Variants in ABCA10 observed in about 807,000 individuals in gnomAD.
The protein encoded by ABCA10 is ATP-binding cassette sub-family A member 10.
A neutral mutation model predicts 187.5 loss-of-function variants in ABCA10; 169 were observed. The ratio of observed to expected loss-of-function variants is 0.90; its 90% CI spans 0.80 to 1.02. ABCA10 has a LOEUF of 1.02. Among genes scored for constraint, ABCA10 ranks in the 50% least tolerant of loss-of-function variants. The pLI, the probability that ABCA10 is intolerant of heterozygous loss-of-function variation, is 0.00. For missense variants in ABCA10, 1,727 were observed against 1,812.4 expected (o/e 0.95, Z 0.86); for synonymous variants, 574 against 601.8 (o/e 0.95, Z 0.68).
chr17:69,182,650 A>G (rs1195551646), intron 21 of ABCA10, 25 bp downstream of exon 21: 1 of 1,547,172 alleles, frequency 6.5e-7, no homozygotes, highest in Admixed American at 2.1e-5. Context: ...AACCAAAAAA[A>G]AACAGTGCAT....
At chr17:69,208,626 G>A (rs2074611162) in intron 9 of ABCA10, among the ~76,000 whole-genome samples, 1 of 151,982 alleles carries the variant, frequency 6.6e-6, no homozygotes, top group Non-Finnish European at 1.5e-5. Context: ...AAATTAATTT[G>A]ATTTATATTA....
At chr17:69,236,191 C>T (rs577900104) in intron 1 of ABCA10, among the ~76,000 whole-genome samples, 6 of 152,290 alleles carry the variant, frequency 3.9e-5, no homozygotes, top group South Asian at 2.1e-4. Context: ...ACTTGTGGAT[C>T]GGCCACACTG....
intron 11 of ABCA10, among the ~76,000 whole-genome samples, chr17:69,194,964 G>T (rs1435473213): frequency 6.6e-6 from 1 of 152,118 alleles, no homozygotes; most frequent in Non-Finnish European, 1.5e-5. Context: ...GAAAACATTG[G>T]TAAAGTATCT....
chr17:69,241,770 A>G (rs902148450), intron 1 of ABCA10, among the ~76,000 whole-genome samples: 11 of 152,218 alleles, frequency 7.2e-5, no homozygotes, highest in Non-Finnish European at 1.5e-4. Context: ...TCTTACTATA[A>G]TAAAAGCTCA....
intron 37 of ABCA10, among the ~76,000 whole-genome samples, chr17:69,149,591 T>C (rs940507313): frequency 2.6e-5 from 4 of 152,268 alleles, no homozygotes; most frequent in African/African-American, 7.2e-5. Context: ...CTCTGTACAT[T>C]TGCTCCTGGT....
chr17:69,167,905 T>A (rs11655912), intron 25 of ABCA10, among the ~76,000 whole-genome samples: 84,943 of 151,734 alleles, frequency 0.56, 25,265 homozygotes, highest in Non-Finnish European at 0.67. Context: ...AGTTACACCA[T>A]GTGTGTCTGT....
chr17:69,182,832 C>G, intron 20 of ABCA10, 24 bp from the exon 21 acceptor site: 2 of 1,300,014 alleles, frequency 1.5e-6, no homozygotes, highest in South Asian at 1.9e-5. Flanking sequence ...AGGAAGGCAA[C>G]AAGAAAAAAA....
intron 20 of ABCA10, among the ~76,000 whole-genome samples, chr17:69,184,170 G>A (rs2074403074): frequency 6.6e-6 from 1 of 152,044 alleles, no homozygotes; most frequent in South Asian, 2.1e-4. Context: ...CATCGGCCAT[G>A]CCCCACAGGA....
chr17:69,206,693 T>G (rs1351187121), intron 9 of ABCA10, among the ~76,000 whole-genome samples: 1 of 152,212 alleles, frequency 6.6e-6, no homozygotes, highest in Non-Finnish European at 1.5e-5. Context: ...AACTTATGAT[T>G]TTTCAACTTT....
At chr17:69,156,155 G>C (rs997566134) in intron 28 of ABCA10, among the ~76,000 whole-genome samples, 1 of 152,048 alleles carries the variant, frequency 6.6e-6, no homozygotes, top group Admixed American at 6.6e-5. Flanking sequence ...TCTGTCAACT[G>C]GCTCTGTCAC....
At chr17:69,156,020 A>C in intron 28 of ABCA10, 95 bp from the exon 29 acceptor site, 1 of 1,351,510 alleles carries the variant, frequency 7.4e-7, no homozygotes, top group Non-Finnish European at 9.8e-7. Context: ...ATCCTTTTTA[A>C]AAAAGACTAT....
chr17:69,192,779 C>T (rs147206122), intron 15 of ABCA10, 126 bp from the exon 16 acceptor site: 1 of 823,534 alleles, frequency 1.2e-6, no homozygotes, highest in East Asian at 2.6e-5. Context: ...TATCATTAAG[C>T]CCCTGGGTGC....
intron 1 of ABCA10, 68 bp downstream of exon 1, chr17:69,228,513 T>G (rs932327816): frequency 2.2e-4 from 33 of 152,048 alleles, no homozygotes; most frequent in African/African-American, 8.0e-4. Flanking sequence ...TATGTTTGGC[T>G]TTGGCTATAT....
chr17:69,221,856 A>T lies in ABCA10; in HGVS notation c.239T>A (p.Leu80Ter), dbSNP rs780383781. 3 of 1,613,044 alleles carry T rather than the reference A, an allele frequency of 1.9e-6. No homozygotes were observed. Among genetic ancestry groups the T allele is most frequent in the Non-Finnish European group, 2.5e-6 (3 of 1,179,586 alleles). ...AAACCCTTTTAGCCAGTACTTTGCC[A>T]AGTAACAAAAAATTTCACCATGCAT... ...WAMHGEIFCYLAKYWLKGFVA... is the reference protein window; with the variant it reads ...WAMHGEIFCY Residue 80 changes from leucine to a stop codon, truncating the protein, a stop_gained, in exon 5 of 39, where the codon TTG (leucine) becomes TAG (stop). Coordinates refer to ENST00000690296, the MANE Select transcript of ABCA10 (RefSeq NM_001377321.1). LOFTEE classifies it high-confidence loss of function.
At chr17:69,152,802 G>GTAAATAAA (rs35681422) in intron 34 of ABCA10, among the ~76,000 whole-genome samples, 19 of 149,754 alleles carry the variant, frequency 1.3e-4, no homozygotes, top group East Asian at 2.0e-4. Flanking sequence ...ATACAATTAA[G>GTAAATAAA]TAAATAAATA....
In ABCA10 at chr17:69,190,317, CT is replaced by C. The variant is rs781180927; in HGVS notation, c.2131+40del. 11 of 1,509,190 alleles carry C rather than the reference CT, an allele frequency of 7.3e-6. No homozygotes were observed. In the East Asian group the frequency reaches 7.3e-5, roughly 10 times the overall value. The allele number at this position is 1,509,190 out of a possible 1,614,324, so 93.5% of individuals were successfully genotyped here. A position where few individuals can be genotyped will look rare whatever the true frequency, so the allele number is the denominator to read the frequency against. On this transcript the variant is annotated intron_variant, in intron 18 of 38. Coordinates refer to ENST00000690296, the MANE Select transcript of ABCA10 (RefSeq NM_001377321.1). ...TTAGAACATCATCTTTTTCTCTTCT[CT>C]TTTTTTTCTTAATTTTCTGCTAGAC...
intron 1 of ABCA10, among the ~76,000 whole-genome samples, chr17:69,240,547 T>TA (rs1310841258): frequency 1.3e-5 from 2 of 152,210 alleles, no homozygotes; most frequent in East Asian, 3.9e-4. Flanking sequence ...GTTTCCAAAC[T>TA]AAAGCACTCT....
chr17:69,193,230 G>C lies in ABCA10; in HGVS notation c.1660C>G (p.Pro554Ala), dbSNP rs966092215. The C allele has an allele frequency of 6.2e-7, 1 of 1,613,602 alleles. No homozygotes were observed. Among genetic ancestry groups the C allele is most frequent in the African/African-American group, 1.3e-5 (1 of 75,002 alleles). ...GAAAAGGGATCCAATCCAGCAGTTG[G>C]TTCATCTAGCAGCAAAACCTACAGA... is the stretch of plus-strand genomic sequence containing the variant. ...GDPQVLLLDE[P>A]TAGLDPFSRH... is the part of the protein sequence containing the mutation. The change falls in exon 15 of 39, where the codon CCA becomes GCA. Residue 554 changes from proline to alanine, a missense_variant. Pro to Ala is a conservative substitution (Grantham distance 27). Coordinates refer to ENST00000690296, the MANE Select transcript of ABCA10 (RefSeq NM_001377321.1).
chr17:69,208,155 C>T (rs951169787), intron 9 of ABCA10, among the ~76,000 whole-genome samples: 6 of 151,978 alleles, frequency 3.9e-5, no homozygotes, highest in African/African-American at 9.7e-5. Flanking sequence ...CGGTGGCTCA[C>T]GCCTGTAATC....
Sources: allele counts gnomAD v4.1 joint callset (sites outside exome capture counted in the v4.1 genomes callset), GRCh38; gene constraint gnomAD v4.1.1; transcripts MANE v1.5; gene names NCBI Gene and HGNC (gene_info 2026-07-23, HGNC 2026-07-21).